The following ADAMTSL1 variants were observed in gnomAD, a reference collection of about 807,000 sequenced individuals.
ADAMTSL1 encodes the protein ADAMTS like 1.
Under a neutral mutation model 201.8 loss-of-function variants are expected in ADAMTSL1, and 126 were observed. The ratio of observed to expected loss-of-function variants is 0.62; its 90% CI spans 0.54 to 0.72. ADAMTSL1 has a LOEUF of 0.72. ADAMTSL1 is among the 30% of genes least tolerant of loss of function. The pLI is 0.00. For missense variants in ADAMTSL1, 2,679 were observed against 2,277.8 expected, an observed-to-expected ratio of 1.18 and a Z score of -3.59; for synonymous variants, 1,121 against 903.4, an observed-to-expected ratio of 1.24 and a Z score of -4.32.
intron 1 of ADAMTSL1, among the ~76,000 whole-genome samples, chr9:18,004,565 A>T (rs140956003): frequency 2.0e-4 from 30 of 152,182 alleles, no homozygotes; most frequent in African/African-American, 7.2e-4. Flanking sequence ...GGTGTTTGTT[A>T]TACTCAGTTA....
intron 1 of ADAMTSL1, among the ~76,000 whole-genome samples, chr9:18,504,051 T>C (rs1019585238): frequency 3.3e-5 from 5 of 151,698 alleles, no homozygotes; most frequent in Admixed American, 1.3e-4. Context: ...AAAAGGGAAA[T>C]TGGGGCATAG....
At position 18,726,913 on chromosome 9, in the gene ADAMTSL1, C is replaced by G. The variant is rs747171277; in HGVS notation, c.2006+5248C>G. Among the ~76,000 whole-genome samples, 11 of 152,184 alleles carry G rather than the reference C, an allele frequency of 7.2e-5. No individual in the cohort carries two copies. The East Asian group carries it at 1.3e-3, about 19-fold the overall frequency. On this transcript the variant is annotated intron_variant, in intron 15 of 28. Transcript: ENST00000380548. ...GCCCTCCCCCTGCCCCAGCCCCAGT[C>G]TCTTTTCTCAGACCTAGGATGGTTC...
At chr9:18,481,506 T>C (rs1347659679) in intron 1 of ADAMTSL1, among the ~76,000 whole-genome samples, 1 of 152,162 alleles carries the variant, frequency 6.6e-6, no homozygotes, top group Non-Finnish European at 1.5e-5. Flanking sequence ...CAAGAGTTTT[T>C]TTTTTTTTTA....
At chr9:18,565,087 A>C (rs1330524051) in intron 3 of ADAMTSL1, among the ~76,000 whole-genome samples, 1 of 152,234 alleles carries the variant, frequency 6.6e-6, no homozygotes, top group Non-Finnish European at 1.5e-5. Flanking sequence ...CTAGCCTGGC[A>C]AACCATTTGT....
chr9:18,178,662 G>T (rs943037707), intron 2 of ADAMTSL1, among the ~76,000 whole-genome samples: 2 of 150,696 alleles, frequency 1.3e-5, no homozygotes, highest in Admixed American at 1.3e-4. Flanking sequence ...GGTTCTCCCA[G>T]CACGCAGCTG....
chr9:18,392,851 G>A (rs1390263262), intron 2 of ADAMTSL1, among the ~76,000 whole-genome samples: 1 of 152,098 alleles, frequency 6.6e-6, no homozygotes, highest in African/African-American at 2.4e-5. Context: ...CTACTTTGGG[G>A]CCTCCCTCAC....
chr9:18,433,925 C>T (rs746710312), intron 2 of ADAMTSL1, among the ~76,000 whole-genome samples: 5 of 152,130 alleles, frequency 3.3e-5, no homozygotes, highest in Non-Finnish European at 7.4e-5. Flanking sequence ...TAGGGGAATG[C>T]TAATTGCAAT....
At chr9:18,516,101 AG>A (rs1189884175) in intron 2 of ADAMTSL1, among the ~76,000 whole-genome samples, 63 of 151,012 alleles carry the variant, frequency 4.2e-4, no homozygotes, top group Non-Finnish European at 5.3e-4. Flanking sequence ...AAAAAAAAAA[AG>A]AAAGAAAAAG....
At chr9:17,994,043 T>C (rs1819273192) in intron 1 of ADAMTSL1, among the ~76,000 whole-genome samples, 1 of 151,806 alleles carries the variant, frequency 6.6e-6, no homozygotes, top group East Asian at 1.9e-4. Flanking sequence ...CAGATTGTGC[T>C]TCCCCTCATT....
chr9:18,473,014 C>G (rs1821277977), upstream of ADAMTSL1, among the ~76,000 whole-genome samples: 2 of 152,182 alleles, frequency 1.3e-5, no homozygotes, highest in African/African-American at 4.8e-5. Flanking sequence ...AGCTTCCTGA[C>G]CTTCTCGTTG....
intron 2 of ADAMTSL1, among the ~76,000 whole-genome samples, chr9:18,510,614 C>A (rs1411128118): frequency 1.3e-5 from 2 of 151,952 alleles, no homozygotes; most frequent in African/African-American, 4.8e-5. Flanking sequence ...CTGGTTTGAA[C>A]AACAAAGAAA....
intron 3 of ADAMTSL1, among the ~76,000 whole-genome samples, chr9:18,568,334 A>G (rs1368865483): frequency 2.0e-5 from 3 of 152,342 alleles, no homozygotes; most frequent in Non-Finnish European, 4.4e-5. Context: ...TAAAAGAGGC[A>G]GCCCACCATC....
At chr9:18,551,843 TTC>T (rs926222259) in intron 3 of ADAMTSL1, among the ~76,000 whole-genome samples, 27 of 152,010 alleles carry the variant, frequency 1.8e-4, no homozygotes, top group Non-Finnish European at 2.5e-4. Flanking sequence ...GTTTTTTGTT[TTC>T]TCTCACTTGT....
chr9:18,866,565 C>T (rs1897725), intron 23 of ADAMTSL1, among the ~76,000 whole-genome samples: 85,222 of 151,998 alleles, frequency 0.56, 24,095 homozygotes, highest in Middle Eastern at 0.62. Context: ...AAAAGTGTTT[C>T]CAATTCAAGA....
At chr9:18,265,098 G>T (rs1209199767) in intron 2 of ADAMTSL1, among the ~76,000 whole-genome samples, 2 of 152,174 alleles carry the variant, frequency 1.3e-5, no homozygotes, top group African/African-American at 4.8e-5. Flanking sequence ...TAATGTTTTA[G>T]TAAAAGTGCT....
chr9:18,772,856 A>G (rs1024090299), intron 17 of ADAMTSL1, among the ~76,000 whole-genome samples: 16 of 152,122 alleles, frequency 1.1e-4, no homozygotes, highest in African/African-American at 3.9e-4. Context: ...CTATTTTGGG[A>G]ACTGGGAGGA....
chr9:18,483,597 G>A (rs576037515), intron 1 of ADAMTSL1, among the ~76,000 whole-genome samples: 81 of 152,316 alleles, frequency 5.3e-4, no homozygotes, highest in African/African-American at 1.9e-3. Flanking sequence ...GGAGTCCAAG[G>A]CAGGTGGATC....
At chr9:18,344,790 G>A (rs10963580) in intron 2 of ADAMTSL1, among the ~76,000 whole-genome samples, 156 of 152,160 alleles carry the variant, frequency 1.0e-3, no homozygotes, top group Non-Finnish European at 1.8e-3. Flanking sequence ...AGCAACAGGC[G>A]CCAAGTCTAA....
At chr9:18,702,445 T>C (rs1276303885) in intron 13 of ADAMTSL1, among the ~76,000 whole-genome samples, 2 of 152,236 alleles carry the variant, frequency 1.3e-5, no homozygotes, top group African/African-American at 4.8e-5. Flanking sequence ...TAATGAACTT[T>C]TAAACCATTT....
Sources: allele counts gnomAD v4.1 joint callset (sites outside exome capture counted in the v4.1 genomes callset), GRCh38; gene constraint gnomAD v4.1.1; transcripts MANE v1.5; gene names NCBI Gene and HGNC (gene_info 2026-07-23, HGNC 2026-07-21).